CDH13: variants seen among roughly 807,000 people sequenced by gnomAD.
CDH13 encodes the protein cadherin 13.
Under a neutral mutation model 63.8 loss-of-function variants are expected in CDH13, and 24 were observed. The observed-to-expected ratio is 0.38, with a 90% confidence interval of 0.27 to 0.53. The LOEUF is 0.53. CDH13 is among the 20% of genes least tolerant of loss of function. The pLI, the probability that CDH13 is intolerant of heterozygous loss-of-function variation, is 0.85. For missense variants in CDH13, 1,049 were observed against 903.1 expected (o/e 1.16, Z -2.07); for synonymous variants, 503 against 355.3 (o/e 1.42, Z -4.67).
intron 2 of CDH13, among the ~76,000 whole-genome samples, chr16:82,934,476 C>T (rs550147977): frequency 6.6e-6 from 1 of 152,350 alleles, no homozygotes; most frequent in Admixed American, 6.5e-5. Flanking sequence ...CCATGAAGAT[C>T]TGTGACATGC....
chr16:83,529,445 C>T (rs1426645924), intron 7 of CDH13, among the ~76,000 whole-genome samples: 1 of 152,134 alleles, frequency 6.6e-6, no homozygotes, highest in Non-Finnish European at 1.5e-5. Flanking sequence ...GATCTCCATT[C>T]ACACTACACT....
At chr16:83,232,193 A>C (rs1322681887) in intron 5 of CDH13, among the ~76,000 whole-genome samples, 1 of 143,888 alleles carries the variant, frequency 6.9e-6, no homozygotes, top group African/African-American at 2.6e-5. Flanking sequence ...TGTACCCTTG[A>C]AATTAAAAGT....
At chr16:83,063,373 G>A (rs1008786294) in intron 3 of CDH13, among the ~76,000 whole-genome samples, 6 of 152,144 alleles carry the variant, frequency 3.9e-5, no homozygotes, top group Non-Finnish European at 5.9e-5. Context: ...TGTTCTGTTC[G>A]TCAAAGCAGC....
intron 1 of CDH13, among the ~76,000 whole-genome samples, chr16:82,814,518 G>A (rs190961594): frequency 6.6e-6 from 1 of 152,212 alleles, no homozygotes; most frequent in East Asian, 1.9e-4. Flanking sequence ...GGGGTTAAAG[G>A]GCTTCCAGGT....
chr16:82,912,276 G>A (rs2041854950), intron 2 of CDH13, among the ~76,000 whole-genome samples: 1 of 149,014 alleles, frequency 6.7e-6, no homozygotes, highest in South Asian at 2.1e-4. Flanking sequence ...GAGGGAGTGA[G>A]CACGAATGGA....
intron 2 of CDH13, among the ~76,000 whole-genome samples, chr16:82,978,231 A>G (rs1909788871): frequency 5.9e-5 from 9 of 152,230 alleles, no homozygotes; most frequent in Non-Finnish European, 1.5e-5. Flanking sequence ...TTATGTTTAA[A>G]AGGGAAGCAG....
At chr16:83,102,576 C>T (rs967149543) in intron 3 of CDH13, among the ~76,000 whole-genome samples, 3 of 152,110 alleles carry the variant, frequency 2.0e-5, no homozygotes, top group African/African-American at 4.8e-5. Context: ...GCTAGGAGAT[C>T]GCACTGGAAG....
At chr16:83,199,294 G>A (rs2038960333) in intron 4 of CDH13, among the ~76,000 whole-genome samples, 1 of 152,240 alleles carries the variant, frequency 6.6e-6, no homozygotes, top group Non-Finnish European at 1.5e-5. Flanking sequence ...TTTTCCTGAA[G>A]CCTGGAAATA....
intron 3 of CDH13, among the ~76,000 whole-genome samples, chr16:83,119,401 T>A (rs571377125): frequency 7.9e-5 from 12 of 152,266 alleles, no homozygotes; most frequent in Admixed American, 3.9e-4. Context: ...CTGCTTCACG[T>A]CCAGCAGGCT....
At chr16:83,527,944 A>G (rs572498086) in intron 7 of CDH13, among the ~76,000 whole-genome samples, 1 of 152,332 alleles carries the variant, frequency 6.6e-6, no homozygotes, top group African/African-American at 2.4e-5. Context: ...AGCCAGAGGA[A>G]ATATTAGAGA....
intron 4 of CDH13, among the ~76,000 whole-genome samples, chr16:83,164,426 A>C (rs930379252): frequency 1.3e-5 from 2 of 152,050 alleles, no homozygotes; most frequent in African/African-American, 4.8e-5. Context: ...CATTTATTGA[A>C]AAACTAGAGT....
intron 11 of CDH13, among the ~76,000 whole-genome samples, chr16:83,771,439 G>T (rs558182058): frequency 2.6e-4 from 40 of 152,320 alleles, no homozygotes; most frequent in African/African-American, 9.4e-4. Context: ...GCTCTTACAA[G>T]TTGTCAGTGC....
chr16:83,316,564 G>C (rs550758387), intron 5 of CDH13, among the ~76,000 whole-genome samples: 2 of 152,132 alleles, frequency 1.3e-5, no homozygotes, highest in African/African-American at 4.8e-5. Context: ...TAGGGAATGT[G>C]GTCTAGGGAG....
At chr16:82,766,962 G>A (rs879317016) in intron 1 of CDH13, among the ~76,000 whole-genome samples, 52 of 151,926 alleles carry the variant, frequency 3.4e-4, no homozygotes, top group African/African-American at 1.3e-3. Flanking sequence ...AGATTCTACC[G>A]TTACCATTTA....
chr16:83,786,336 C>G (rs1010329276), intron 13 of CDH13, among the ~76,000 whole-genome samples: 4 of 152,092 alleles, frequency 2.6e-5, no homozygotes, highest in African/African-American at 9.7e-5. Flanking sequence ...TTCCTAAATG[C>G]TGCTGCACGT....
At chr16:83,649,035 C>G (rs1186015755) in intron 8 of CDH13, among the ~76,000 whole-genome samples, 2 of 152,226 alleles carry the variant, frequency 1.3e-5, no homozygotes, top group African/African-American at 2.4e-5. Context: ...GAAATTCAAG[C>G]TGAAAGAATT....
intron 4 of CDH13, among the ~76,000 whole-genome samples, chr16:83,202,705 G>A (rs956098090): frequency 6.6e-6 from 1 of 152,192 alleles, no homozygotes; most frequent in Non-Finnish European, 1.5e-5. Context: ...TGAATTTCCA[G>A]CCAGAAAGTC....
intron 6 of CDH13, among the ~76,000 whole-genome samples, chr16:83,451,759 C>T (rs1480179495): frequency 6.6e-6 from 1 of 152,234 alleles, no homozygotes; most frequent in East Asian, 1.9e-4. Flanking sequence ...CTCAAGTGAT[C>T]CTCCTATCTT....
rs768636725 is a variant in CDH13, at chr16:83,083,074, T to C, written c.367-42311T>C. Among the ~76,000 whole-genome samples, 44 of 152,340 alleles carry C rather than the reference T, an allele frequency of 2.9e-4. No homozygotes were observed. In the South Asian group the frequency reaches 4.6e-3, roughly 16 times the overall value. On this transcript the variant is annotated intron_variant, in intron 3 of 13. Coordinates refer to ENST00000567109, the MANE Select transcript of CDH13 (RefSeq NM_001257.5). ...AATGATTCAGAACCACAAAAGAAGCTGATATTCTTTCATGTTCTCTAAATA... is the reference window on the plus strand; with the variant it reads ...AATGATTCAGAACCACAAAAGAAGCCGATATTCTTTCATGTTCTCTAAATA...
Sources: allele counts gnomAD v4.1 joint callset (sites outside exome capture counted in the v4.1 genomes callset), GRCh38; gene constraint gnomAD v4.1.1; transcripts MANE v1.5; gene names NCBI Gene and HGNC (gene_info 2026-07-23, HGNC 2026-07-21).